Variants in CELF4 observed in about 807,000 individuals in gnomAD.
CELF4 encodes the protein CUG-BP- and ETR-3-like factor 4.
A neutral mutation model predicts 59.9 loss-of-function variants in CELF4; 18 were observed. The observed-to-expected ratio is 0.30, with a 90% CI of 0.21 to 0.45. The LOEUF (loss-of-function observed/expected upper bound fraction) is 0.45, where lower values mean the gene tolerates loss of function less well. Ranked by LOEUF, CELF4 falls within the 20% of genes least tolerant of loss-of-function variation. The pLI is 1.00. For synonymous variants in CELF4, 261 were observed against 267.1 expected (o/e 0.98, Z 0.22); for missense variants, 456 against 689.0 (o/e 0.66, Z 3.79).
At chr18:37,465,327 T>C (rs1461627485) in intron 2 of CELF4, among the ~76,000 whole-genome samples, 3 of 152,154 alleles carry the variant, frequency 2.0e-5, no homozygotes, top group Non-Finnish European at 4.4e-5. Context: ...ACCCATCAGA[T>C]TGCCTGGCCC....
chr18:37,391,211 C>A (rs2099158189), intron 2 of CELF4, among the ~76,000 whole-genome samples: 2 of 152,150 alleles, frequency 1.3e-5, no homozygotes, highest in Admixed American at 6.5e-5. Context: ...AGGCCCCTGC[C>A]TTTAGTTCAT....
At chr18:37,461,929 A>G (rs929499308) in intron 2 of CELF4, among the ~76,000 whole-genome samples, 1 of 152,232 alleles carries the variant, frequency 6.6e-6, no homozygotes, top group Non-Finnish European at 1.5e-5. Flanking sequence ...GATGCTGAGA[A>G]GGACAAGGCA....
At chr18:37,482,578 A>G (rs2154603061) in intron 2 of CELF4, among the ~76,000 whole-genome samples, 1 of 152,322 alleles carries the variant, frequency 6.6e-6, no homozygotes, top group South Asian at 2.1e-4. Flanking sequence ...GGAATCACGT[A>G]TCACTGATTT....
intron 3 of CELF4, among the ~76,000 whole-genome samples, chr18:37,284,946 T>G (rs1242519423): frequency 6.6e-6 from 1 of 152,178 alleles, no homozygotes; most frequent in African/African-American, 2.4e-5. Flanking sequence ...GGGTCTTCCT[T>G]TTCCCCCCAG....
intron 1 of CELF4, among the ~76,000 whole-genome samples, chr18:37,533,981 T>G (rs1603643584): frequency 6.6e-6 from 1 of 152,150 alleles, no homozygotes; most frequent in East Asian, 1.9e-4. Context: ...TCCAGAGCCT[T>G]GAAGCGCAAA....
intron 3 of CELF4, among the ~76,000 whole-genome samples, chr18:37,278,677 GC>G (rs941480722): frequency 5.3e-5 from 8 of 152,240 alleles, no homozygotes; most frequent in Non-Finnish European, 1.0e-4. Context: ...GAAATGCAGT[GC>G]TGTTTTCCCT....
intron 2 of CELF4, among the ~76,000 whole-genome samples, chr18:37,379,342 G>A (rs146738951): frequency 6.6e-6 from 1 of 151,784 alleles, no homozygotes; most frequent in Non-Finnish European, 1.5e-5. Flanking sequence ...ATCCTAAAAG[G>A]GATTGGGAGT....
At chr18:37,274,265 A>G in intron 6 of CELF4, 46 bp downstream of exon 6, 2 of 1,605,136 alleles carry the variant, frequency 1.2e-6, no homozygotes, top group South Asian at 2.2e-5. Flanking sequence ...TGAGGCTCCC[A>G]GGGGAGTGAG....
At chr18:37,313,239 T>C (rs1037853789) in intron 3 of CELF4, among the ~76,000 whole-genome samples, 2 of 152,180 alleles carry the variant, frequency 1.3e-5, no homozygotes, top group African/African-American at 2.4e-5. Flanking sequence ...TAGTTTCTTA[T>C]GGACTCAGCG....
chr18:37,329,445 C>T (rs1446478968), intron 2 of CELF4, among the ~76,000 whole-genome samples: 1 of 152,218 alleles, frequency 6.6e-6, no homozygotes, highest in Non-Finnish European at 1.5e-5. Context: ...CCACAGTGGA[C>T]AGGAAACTTT....
intron 2 of CELF4, among the ~76,000 whole-genome samples, chr18:37,337,610 AGTGACT>A (rs2097820290): frequency 6.6e-6 from 1 of 152,196 alleles, no homozygotes; most frequent in Non-Finnish European, 1.5e-5. Context: ...AGGCCCCCTC[AGTGACT>A]GAGGCTTCAT....
rs79845396 is a variant in CELF4, at chr18:37,275,704, C to T, written c.449-461G>A. On this transcript the variant is annotated intron_variant, in intron 3 of 12. Transcript: ENST00000420428. Reference sequence around the variant, plus strand: ...TCGGGCCTTTGCAGATGCTGTTCCCCTGCCTGGAGCGCACTTATCACAAGG... The same window carrying T: ...TCGGGCCTTTGCAGATGCTGTTCCCTTGCCTGGAGCGCACTTATCACAAGG... The T allele has an allele frequency of 9.3e-3, 1,621 of 174,112 alleles. 28 individuals carry two copies. The highest frequency in any genetic ancestry group is 0.032 in the African/African-American group (1,350 of 41,786). 10.8% of individuals were successfully genotyped at this position (174,112 alleles called of 1,614,324 possible). A position where few individuals can be genotyped will look rare whatever the true frequency, so the allele number is the denominator to read the frequency against.
At chr18:37,547,595 G>A (rs2099981886) in intron 1 of CELF4, among the ~76,000 whole-genome samples, 1 of 152,216 alleles carries the variant, frequency 6.6e-6, no homozygotes. Context: ...GGTTGACGCA[G>A]AAGGGAGATT....
chr18:37,437,811 T>G (rs1052794529), intron 2 of CELF4, among the ~76,000 whole-genome samples: 1 of 152,180 alleles, frequency 6.6e-6, no homozygotes, highest in Non-Finnish European at 1.5e-5. Flanking sequence ...GCTGTGGACC[T>G]TCCAGCTAAG....
Position 37,394,420 on chromosome 18 carries a change from G to A in CELF4, c.370-72539C>T, listed in dbSNP as rs181932844. Reference sequence around the variant, plus strand: ...ACCAGGCAGGCCGTGAGCTGCCCTTGGTCCAGCAGCCGGGCCTCCTTCTGG... The same window carrying A: ...ACCAGGCAGGCCGTGAGCTGCCCTTAGTCCAGCAGCCGGGCCTCCTTCTGG... On this transcript the variant is annotated intron_variant, in intron 2 of 12. Transcript: ENST00000420428. Among the ~76,000 whole-genome samples the A allele has an allele frequency of 6.0e-3, 916 of 152,254 alleles. 11 individuals carry two copies. Among genetic ancestry groups the A allele is most frequent in the African/African-American group, 0.021 (874 of 41,560 alleles).
chr18:37,393,223 G>C (rs2099188086), intron 2 of CELF4, among the ~76,000 whole-genome samples: 1 of 152,206 alleles, frequency 6.6e-6, no homozygotes, highest in Non-Finnish European at 1.5e-5. Flanking sequence ...TCCTGGTCAA[G>C]GGGTGCCCAG....
intron 2 of CELF4, among the ~76,000 whole-genome samples, chr18:37,374,261 G>C (rs2098938736): frequency 6.6e-6 from 1 of 152,218 alleles, no homozygotes; most frequent in Non-Finnish European, 1.5e-5. Context: ...AGAATCAGGA[G>C]GTGAGGCTTT....
At position 37,546,206 on chromosome 18, in the gene CELF4, C is replaced by T. The variant is rs529995255; in HGVS notation, c.286+19150G>A. On this transcript the variant is annotated intron_variant, in intron 1 of 12. Transcript: ENST00000420428. ...AATCTGTCACTAAAAATTGGCCCAC[C>T]CGAGCCCGTCGCAGCCCACACACAC... is the stretch of plus-strand genomic sequence containing the variant. Among the ~76,000 whole-genome samples, 12 of 152,252 alleles carry T rather than the reference C, an allele frequency of 7.9e-5. No homozygotes were observed. The East Asian group carries it at 1.7e-3, about 22-fold the overall frequency.
chr18:37,264,094 G>A (rs1055466788), intron 10 of CELF4, among the ~76,000 whole-genome samples: 3 of 152,114 alleles, frequency 2.0e-5, no homozygotes, highest in African/African-American at 7.2e-5. Flanking sequence ...CCATGTTGTT[G>A]GAGTCTCATC....
Sources: allele counts gnomAD v4.1 joint callset (sites outside exome capture counted in the v4.1 genomes callset), GRCh38; gene constraint gnomAD v4.1.1; transcripts MANE v1.5; gene names NCBI Gene and HGNC (gene_info 2026-07-23, HGNC 2026-07-21).